The following CCDC146 variants were observed in gnomAD, a reference collection of about 807,000 sequenced individuals.
CCDC146 encodes the protein coiled-coil domain containing 146, also known as coiled-coil domain-containing protein 146.
Under a neutral mutation model 119.3 loss-of-function variants are expected in CCDC146, and 92 were observed. The observed-to-expected ratio is 0.77, with a 90% CI of 0.65 to 0.92. The LOEUF (loss-of-function observed/expected upper bound fraction) is 0.92. Ranked by LOEUF, CCDC146 falls within the 40% of genes least tolerant of loss-of-function variation. CCDC146 has a pLI of 0.00. For synonymous variants in CCDC146, 372 were observed against 371.8 expected (o/e 1.00, Z -0.01); for missense variants, 1,000 against 1,103.0 (o/e 0.91, Z 1.32).
chr7:77,232,114 C>T lies in CCDC146; in HGVS notation c.157-4833C>T, dbSNP rs796737872. ...AATGTCTCTGCTTAGATAGTTGTTC[C>T]TTGTTTTTTTGTTTTTAAACTTGAA... On this transcript the variant is annotated intron_variant, in intron 2 of 18. Transcript: ENST00000285871. 3.3e-5 allele frequency among the ~76,000 whole-genome samples: 5 copies of T among 152,082 alleles called. 1 individual carries two copies. In the South Asian group the frequency reaches 6.2e-4, roughly 19 times the overall value.
chr7:77,240,166 T>C (rs1418793917), intron 3 of CCDC146, among the ~76,000 whole-genome samples: 1 of 152,228 alleles, frequency 6.6e-6, no homozygotes, highest in Non-Finnish European at 1.5e-5. Flanking sequence ...ACCTCCTCTT[T>C]CCGTATCATT....
At chr7:77,228,579 T>A (rs1792562331) in intron 2 of CCDC146, among the ~76,000 whole-genome samples, 1 of 152,252 alleles carries the variant, frequency 6.6e-6, no homozygotes, top group Non-Finnish European at 1.5e-5. Flanking sequence ...TTTAGGTTGA[T>A]TCCATGTCTT....
intron 2 of CCDC146, among the ~76,000 whole-genome samples, chr7:77,201,172 T>C (rs1202463296): frequency 6.6e-6 from 1 of 152,204 alleles, no homozygotes; most frequent in Non-Finnish European, 1.5e-5. Flanking sequence ...TCAGCTTTAA[T>C]GAGCCTTTGT....
intron 2 of CCDC146, among the ~76,000 whole-genome samples, chr7:77,168,349 G>A (rs1273813715): frequency 1.3e-5 from 2 of 151,600 alleles, no homozygotes; most frequent in Non-Finnish European, 2.9e-5. Flanking sequence ...CCATATATGA[G>A]GAGAGTTTTT....
At chr7:77,249,727 A>G (rs1793023243) in intron 4 of CCDC146, among the ~76,000 whole-genome samples, 1 of 152,144 alleles carries the variant, frequency 6.6e-6, no homozygotes, top group Non-Finnish European at 1.5e-5. Context: ...AACACAGCAT[A>G]TAATTTGAGT....
intron 2 of CCDC146, among the ~76,000 whole-genome samples, chr7:77,205,753 G>T (rs1422614728): frequency 6.6e-6 from 1 of 152,200 alleles, no homozygotes; most frequent in East Asian, 1.9e-4. Flanking sequence ...GTCAGACCCT[G>T]TCCCAAAAAC....
chr7:77,124,215 A>G (rs1341493053), intron 1 of CCDC146, among the ~76,000 whole-genome samples: 1 of 152,216 alleles, frequency 6.6e-6, no homozygotes, highest in African/African-American at 2.4e-5. Flanking sequence ...TTACTTTTTC[A>G]AACAAAAACC....
chr7:77,180,118 T>C (rs964368404), intron 2 of CCDC146, among the ~76,000 whole-genome samples: 6 of 151,634 alleles, frequency 4.0e-5, no homozygotes, highest in African/African-American at 1.5e-4. Context: ...GTATGTACCA[T>C]ATATATGCAC....
chr7:77,272,584 G>A (rs1474924483), intron 9 of CCDC146, among the ~76,000 whole-genome samples: 1 of 152,154 alleles, frequency 6.6e-6, no homozygotes, highest in Non-Finnish European at 1.5e-5. Flanking sequence ...TCAGATTGGA[G>A]TCATGAGCTT....
intron 9 of CCDC146, among the ~76,000 whole-genome samples, chr7:77,263,184 A>G (rs1193060553): frequency 6.6e-6 from 1 of 152,168 alleles, no homozygotes; most frequent in Non-Finnish European, 1.5e-5. Flanking sequence ...TAGAAAGTTT[A>G]TACTTCCTTG....
chr7:77,234,252 CTT>C (rs11286441), intron 2 of CCDC146, among the ~76,000 whole-genome samples: 8,355 of 147,430 alleles, frequency 0.057, 757 homozygotes, highest in African/African-American at 0.19. Context: ...TTTGTAAAGG[CTT>C]TTTTTTTTTT....
At chr7:77,257,521 T>C (rs1405099561) in intron 6 of CCDC146, among the ~76,000 whole-genome samples, 4 of 152,110 alleles carry the variant, frequency 2.6e-5, no homozygotes, top group Non-Finnish European at 5.9e-5. Flanking sequence ...AGCTTAAGCT[T>C]CAGGCCCCTC....
intron 1 of CCDC146, among the ~76,000 whole-genome samples, chr7:77,160,165 A>C (rs568308215): frequency 1.6e-4 from 24 of 152,282 alleles, no homozygotes; most frequent in African/African-American, 5.8e-4. Flanking sequence ...TGTTTTGGTT[A>C]CTGTAGCCTT....
At chr7:77,220,769 C>T (rs868458449) in intron 2 of CCDC146, among the ~76,000 whole-genome samples, 1 of 152,100 alleles carries the variant, frequency 6.6e-6, no homozygotes, top group Non-Finnish European at 1.5e-5. Flanking sequence ...TAAATTTGGC[C>T]CACCAATCTA....
At chr7:77,274,021 T>A (rs751199206) in intron 10 of CCDC146, among the ~76,000 whole-genome samples, 4 of 152,236 alleles carry the variant, frequency 2.6e-5, no homozygotes, top group Non-Finnish European at 5.9e-5. Flanking sequence ...GATTTTTAAA[T>A]TATGGGCTGT....
intron 2 of CCDC146, among the ~76,000 whole-genome samples, chr7:77,201,017 A>C (rs1399730599): frequency 1.3e-5 from 2 of 152,130 alleles, no homozygotes; most frequent in East Asian, 3.8e-4. Flanking sequence ...ACTTTTCTGT[A>C]TATCCCCTTA....
At chr7:77,204,258 C>T (rs940461731) in intron 2 of CCDC146, among the ~76,000 whole-genome samples, 2 of 152,064 alleles carry the variant, frequency 1.3e-5, no homozygotes, top group African/African-American at 4.8e-5. Flanking sequence ...GAAATATCGA[C>T]AGTAAATATT....
At chr7:77,278,612 A>T in intron 11 of CCDC146, 140 bp from the exon 12 acceptor site, 1 of 605,232 alleles carries the variant, frequency 1.7e-6, no homozygotes, top group Non-Finnish European at 2.9e-6. Context: ...TACCCAGATA[A>T]TTTTTTTATT....
At chr7:77,255,630 A>T (rs1400661525) in intron 5 of CCDC146, among the ~76,000 whole-genome samples, 1 of 152,222 alleles carries the variant, frequency 6.6e-6, no homozygotes, top group Non-Finnish European at 1.5e-5. Flanking sequence ...GGAGGGAGCT[A>T]TGCAGAAAGC....
Sources: allele counts gnomAD v4.1 joint callset (sites outside exome capture counted in the v4.1 genomes callset), GRCh38; gene constraint gnomAD v4.1.1; transcripts MANE v1.5; gene names NCBI Gene and HGNC (gene_info 2026-07-23, HGNC 2026-07-21).